The following SGCD variants were observed in gnomAD, a reference collection of about 807,000 sequenced individuals.
The protein encoded by SGCD is delta-sarcoglycan.
Under a neutral mutation model 36.6 loss-of-function variants are expected in SGCD, and 18 were observed. The observed-to-expected ratio is 0.49, with a 90% CI of 0.34 to 0.73. The LOEUF (loss-of-function observed/expected upper bound fraction) is 0.73, where lower values mean the gene tolerates loss of function less well. SGCD is among the 30% of genes least tolerant of loss of function. SGCD has a pLI of 0.01. For missense variants in SGCD, 387 were observed against 346.7 expected (o/e 1.12, Z -0.92); for synonymous variants, 133 against 130.6 (o/e 1.02, Z -0.12).
chr5:156,218,558 G>A (rs1764635600), intron 3 of SGCD, among the ~76,000 whole-genome samples: 1 of 152,124 alleles, frequency 6.6e-6, no homozygotes, highest in South Asian at 2.1e-4. Context: ...CTGGAATTTT[G>A]CTGACATGAC....
At chr5:156,041,468 A>T (rs1277064500) in intron 1 of SGCD, among the ~76,000 whole-genome samples, 1 of 152,144 alleles carries the variant, frequency 6.6e-6, no homozygotes, top group Non-Finnish European at 1.5e-5. Flanking sequence ...ATCAGAAGAG[A>T]GATGGTGGAG....
At chr5:156,460,437 G>A (rs1389959837) in intron 3 of SGCD, among the ~76,000 whole-genome samples, 1 of 152,114 alleles carries the variant, frequency 6.6e-6, no homozygotes, top group Non-Finnish European at 1.5e-5. Flanking sequence ...CTGGATAATA[G>A]GCACTGCAAT....
chr5:155,842,813 TA>T, the SGCD span, among the ~76,000 whole-genome samples: 73,883 of 152,040 alleles, frequency 0.49, 18,333 homozygotes, highest in Admixed American at 0.64. Flanking sequence ...CTGAAAATTT[TA>T]AAAAAAGAAA....
chr5:156,030,181 T>C (rs1024480315), intron 1 of SGCD, among the ~76,000 whole-genome samples: 1 of 152,184 alleles, frequency 6.6e-6, no homozygotes, highest in Non-Finnish European at 1.5e-5. Context: ...GGGTGATATG[T>C]AATATATGCA....
Position 156,201,119 on chromosome 5 carries a change from C to T in SGCD, c.-44+77100C>T, listed in dbSNP as rs982424527. On this transcript the variant is annotated intron_variant, in intron 3 of 9. Coordinates refer to the SGCD transcript ENST00000517913. Reference sequence around the variant, plus strand: ...GGAGAAGGAATTATTGATTGATGGGCGTAGAGTTTCAACTTTGCAAAATAA... The same window carrying T: ...GGAGAAGGAATTATTGATTGATGGGTGTAGAGTTTCAACTTTGCAAAATAA... Among the ~76,000 whole-genome samples, 10 of 151,962 alleles carry T rather than the reference C, an allele frequency of 6.6e-5. No individual in the cohort carries two copies. The East Asian group carries it at 7.7e-4, about 12-fold the overall frequency.
the SGCD span, among the ~76,000 whole-genome samples, chr5:155,858,201 A>G: frequency 6.6e-6 from 1 of 152,168 alleles, no homozygotes; most frequent in Admixed American, 6.5e-5. Flanking sequence ...GTTCATTAAT[A>G]GTTTATTCTA....
At chr5:155,854,472 A>T in the SGCD span, among the ~76,000 whole-genome samples, 1 of 152,178 alleles carries the variant, frequency 6.6e-6, no homozygotes, top group African/African-American at 2.4e-5. Context: ...TGGATGTAAA[A>T]ATAAATTTTA....
intron 1 of SGCD, among the ~76,000 whole-genome samples, chr5:156,067,777 C>G (rs1351572236): frequency 1.5e-5 from 2 of 136,310 alleles, no homozygotes; most frequent in Admixed American, 1.4e-4. Context: ...CCAGGTGAGG[C>G]AATGCCTCGC....
chr5:156,553,820 C>T lies in SGCD; in HGVS notation c.295-35411C>T, dbSNP rs79738679. ...GCTTTTTATGGCTGAATTACTATTA[C>T]GTTTGGGTACACCACATCTTGTCTA... On this transcript the variant is annotated intron_variant, in intron 4 of 8. Coordinates refer to ENST00000337851, the MANE Select transcript of SGCD (RefSeq NM_000337.6). Among the ~76,000 whole-genome samples, 474 of 152,254 alleles carry T rather than the reference C, an allele frequency of 3.1e-3. 1 individual carries two copies. Among genetic ancestry groups the T allele is most frequent in the Non-Finnish European group, 5.2e-3 (353 of 68,030 alleles).
chr5:156,559,777 T>C (rs1262782900), intron 4 of SGCD, among the ~76,000 whole-genome samples: 1 of 152,198 alleles, frequency 6.6e-6, no homozygotes, highest in East Asian at 1.9e-4. Context: ...CACTAATCTT[T>C]AGTCTGTTAG....
chr5:155,728,518 A>T, the SGCD span, among the ~76,000 whole-genome samples: 1 of 152,094 alleles, frequency 6.6e-6, no homozygotes, highest in African/African-American at 2.4e-5. Context: ...GCCTGGAGAA[A>T]CAGCCCCGCT....
At chr5:156,008,110 T>TA (rs1490590723) in intron 1 of SGCD, among the ~76,000 whole-genome samples, 6 of 152,172 alleles carry the variant, frequency 3.9e-5, no homozygotes, top group Non-Finnish European at 7.3e-5. Context: ...ATGGCTGCTA[T>TA]AAAAAAATGC....
At chr5:156,325,214 G>C (rs1767775772), upstream of SGCD, among the ~76,000 whole-genome samples, 2 of 151,932 alleles carry the variant, frequency 1.3e-5, no homozygotes, top group South Asian at 2.1e-4. Context: ...CTTCAGGACA[G>C]TTCTCCAAGT....
At chr5:156,648,791 T>C (rs140293640) in intron 7 of SGCD, among the ~76,000 whole-genome samples, 1 of 152,306 alleles carries the variant, frequency 6.6e-6, no homozygotes, top group East Asian at 1.9e-4. Context: ...AGCTAGAATC[T>C]TTTAAGCAAA....
At chr5:156,561,067 T>G (rs1759246922) in intron 4 of SGCD, among the ~76,000 whole-genome samples, 1 of 140,374 alleles carries the variant, frequency 7.1e-6, no homozygotes, top group South Asian at 2.2e-4. Flanking sequence ...AATGCACAGA[T>G]ACAATCAGTC....
intron 1 of SGCD, among the ~76,000 whole-genome samples, chr5:155,946,173 G>C (rs967365753): frequency 6.6e-6 from 1 of 152,168 alleles, no homozygotes; most frequent in African/African-American, 2.4e-5. Flanking sequence ...GAGAACTCAT[G>C]ATTCCTCTTA....
At position 156,371,900 on chromosome 5, in the gene SGCD, A is replaced by T. The variant is rs144397701; in HGVS notation, c.192+27223A>T. 9.9e-3 allele frequency among the ~76,000 whole-genome samples: 1,515 copies of T among 152,264 alleles called. 12 individuals are homozygous for T. The highest frequency in any genetic ancestry group is 0.017 in the South Asian group (83 of 4,812). ...TGTTGACTACACTAACGTGTCTTTT[A>T]TATGTTAAATTTGGACTTTTGTGTA... is the stretch of plus-strand genomic sequence containing the variant. On this transcript the variant is annotated intron_variant, in intron 3 of 8. Coordinates refer to ENST00000337851, the MANE Select transcript of SGCD (RefSeq NM_000337.6).
chr5:155,994,934 A>T (rs1758509016), intron 1 of SGCD, among the ~76,000 whole-genome samples: 1 of 152,174 alleles, frequency 6.6e-6, no homozygotes, highest in African/African-American at 2.4e-5. Context: ...CATAGAGAGT[A>T]GCTTAGCAAA....
Position 155,932,726 on chromosome 5 carries a change from GC to G in SGCD, c.-282+62303del, listed in dbSNP as rs1757122614. ...AATTCCCCTGATTTAAATGTTAGGA[GC>G]ATTTGGTTTATCTCTTTGTATTTAA... On this transcript the variant is annotated intron_variant, in intron 1 of 9. Coordinates refer to the SGCD transcript ENST00000517913. 2.0e-5 allele frequency among the ~76,000 whole-genome samples: 3 copies of G among 152,210 alleles called. No individual in the cohort carries two copies. The East Asian group carries it at 5.8e-4, about 29-fold the overall frequency.
Sources: gnomAD v4.1 joint callset for allele counts (sites outside exome capture counted in the v4.1 genomes callset) on GRCh38, gnomAD v4.1.1 for gene constraint, MANE v1.5 for transcripts, NCBI Gene and HGNC (gene_info 2026-07-23, HGNC 2026-07-21) for gene names.